Variants in LRRC4C observed in about 807,000 individuals in gnomAD.
LRRC4C encodes leucine-rich repeat-containing protein 4C.
In LRRC4C, 5 loss-of-function variants were observed where a neutral mutation model predicts 33.6. That is an observed-to-expected ratio of 0.15 (90% CI 0.08 to 0.31). LRRC4C has a LOEUF of 0.31. Among genes scored for constraint, LRRC4C ranks in the 10% least tolerant of loss-of-function variants. LRRC4C has a pLI of 1.00. For missense variants in LRRC4C, 560 were observed against 796.7 expected (o/e 0.70, Z 3.58); for synonymous variants, 329 against 302.0 (o/e 1.09, Z -0.93).
intron 1 of LRRC4C, among the ~76,000 whole-genome samples, chr11:41,389,573 A>G (rs1953500219): frequency 7.3e-6 from 1 of 137,820 alleles, no homozygotes; most frequent in Non-Finnish European, 1.5e-5. Context: ...CACCAAAGAT[A>G]TACTTTCCTT....
chr11:40,558,169 G>A (rs1256161512), intron 3 of LRRC4C, among the ~76,000 whole-genome samples: 5 of 152,134 alleles, frequency 3.3e-5, no homozygotes, highest in African/African-American at 9.7e-5. Flanking sequence ...GCTAACTAAA[G>A]AGCATACAAT....
chr11:40,323,488 T>C (rs182189129), intron 3 of LRRC4C, among the ~76,000 whole-genome samples: 102 of 152,350 alleles, frequency 6.7e-4, no homozygotes, highest in African/African-American at 2.3e-3. Context: ...CCAGACTTCA[T>C]GTATTTTCAT....
chr11:40,267,344 T>C (rs1455827051), intron 4 of LRRC4C, among the ~76,000 whole-genome samples: 3 of 152,066 alleles, frequency 2.0e-5, no homozygotes, highest in Non-Finnish European at 4.4e-5. Context: ...TGCAAATATA[T>C]GTTGTATGAA....
chr11:41,284,787 A>G (rs564658427), intron 1 of LRRC4C, among the ~76,000 whole-genome samples: 4 of 152,330 alleles, frequency 2.6e-5, no homozygotes, highest in African/African-American at 9.6e-5. Context: ...CCATAGCCAC[A>G]GTTTATTAAA....
intron 5 of LRRC4C, among the ~76,000 whole-genome samples, chr11:40,169,930 T>C (rs112188392): frequency 7.7e-4 from 117 of 152,298 alleles, no homozygotes; most frequent in African/African-American, 2.8e-3. Flanking sequence ...TGGTCTTCCT[T>C]TTGCAAACAC....
chr11:40,772,457 G>A (rs1255511520), intron 2 of LRRC4C, among the ~76,000 whole-genome samples: 1 of 152,156 alleles, frequency 6.6e-6, no homozygotes, highest in East Asian at 1.9e-4. Flanking sequence ...TGACAACAGA[G>A]TAAGAAGCAG....
intron 2 of LRRC4C, among the ~76,000 whole-genome samples, chr11:40,892,288 C>A (rs1955751565): frequency 6.6e-6 from 1 of 152,076 alleles, no homozygotes; most frequent in Non-Finnish European, 1.5e-5. Flanking sequence ...TTTGTTGAAG[C>A]ACTATTCACA....
intron 3 of LRRC4C, among the ~76,000 whole-genome samples, chr11:40,606,975 T>C (rs373722068): frequency 4.6e-5 from 7 of 152,164 alleles, no homozygotes; most frequent in Non-Finnish European, 1.0e-4. Context: ...AATTGACTTA[T>C]CAAATACAAG....
intron 2 of LRRC4C, among the ~76,000 whole-genome samples, chr11:40,694,294 G>A (rs1945377221): frequency 6.6e-6 from 1 of 152,072 alleles, no homozygotes; most frequent in African/African-American, 2.4e-5. Context: ...TCCAGAATTG[G>A]GACAGCATTG....
chr11:40,585,181 C>T (rs1167905154), intron 3 of LRRC4C, among the ~76,000 whole-genome samples: 1 of 152,088 alleles, frequency 6.6e-6, no homozygotes, highest in Admixed American at 6.6e-5. Context: ...AGCAGGGGAG[C>T]TAGAATGAAG....
At chr11:41,316,287 A>G (rs1474160932) in intron 1 of LRRC4C, among the ~76,000 whole-genome samples, 1 of 151,488 alleles carries the variant, frequency 6.6e-6, no homozygotes, top group Non-Finnish European at 1.5e-5. Context: ...AAACAAAAAA[A>G]AACAAACATG....
intron 1 of LRRC4C, among the ~76,000 whole-genome samples, chr11:41,314,282 G>A (rs1456709167): frequency 6.6e-6 from 1 of 152,102 alleles, no homozygotes; most frequent in Admixed American, 6.5e-5. Flanking sequence ...ATTGTATATA[G>A]GTATCAGTTA....
rs11036193 is a variant in LRRC4C at position 41,019,161 on chromosome 11, G to C, written c.-495-85438C>G. Among the ~76,000 whole-genome samples the C allele has an allele frequency of 2.4e-4, 36 of 151,750 alleles. No homozygotes were observed. The East Asian group carries it at 6.6e-3, about 28-fold the overall frequency. ...CTGTACCTATTGACCTGTCCTCTAA[G>C]TTCCCTCCCCTCACCCCCACCCCGC... On this transcript the variant is annotated intron_variant, in intron 1 of 6. Coordinates refer to ENST00000528697, the MANE Select transcript of LRRC4C (RefSeq NM_001258419.2).
chr11:40,122,898 G>C (rs1045180056), intron 6 of LRRC4C, among the ~76,000 whole-genome samples: 2 of 143,324 alleles, frequency 1.4e-5, no homozygotes, highest in East Asian at 2.0e-4. Flanking sequence ...ATAGATATAG[G>C]TCTATATACT....
At chr11:41,160,602 T>C (rs750052258) in intron 1 of LRRC4C, among the ~76,000 whole-genome samples, 7 of 152,184 alleles carry the variant, frequency 4.6e-5, no homozygotes, top group South Asian at 2.1e-4. Context: ...CTTGGAAATA[T>C]ATGAATTGGC....
At chr11:40,259,847 C>T (rs1410704818) in intron 4 of LRRC4C, among the ~76,000 whole-genome samples, 1 of 152,018 alleles carries the variant, frequency 6.6e-6, no homozygotes, top group Non-Finnish European at 1.5e-5. Context: ...ATCAAAACCA[C>T]AATGAGATAC....
intron 3 of LRRC4C, among the ~76,000 whole-genome samples, chr11:40,489,453 T>C (rs1349967627): frequency 1.3e-5 from 2 of 152,144 alleles, no homozygotes; most frequent in African/African-American, 4.8e-5. Context: ...GGCAGGCCTA[T>C]TTCTCATGTA....
At chr11:40,539,509 A>G (rs1169080169) in intron 3 of LRRC4C, among the ~76,000 whole-genome samples, 3 of 152,110 alleles carry the variant, frequency 2.0e-5, no homozygotes, top group Admixed American at 2.0e-4. Flanking sequence ...TTCAGTTTGT[A>G]GAAATCACCA....
chr11:41,329,117 T>G (rs1951214324), intron 1 of LRRC4C, among the ~76,000 whole-genome samples: 1 of 152,208 alleles, frequency 6.6e-6, no homozygotes, highest in South Asian at 2.1e-4. Flanking sequence ...TCTGGGTGCT[T>G]GGGGGAATAT....
Sources: gnomAD v4.1 joint callset for allele counts (sites outside exome capture counted in the v4.1 genomes callset) on GRCh38, gnomAD v4.1.1 for gene constraint, MANE v1.5 for transcripts, NCBI Gene and HGNC (gene_info 2026-07-23, HGNC 2026-07-21) for gene names.